CACNA1H: variants seen among roughly 807,000 people sequenced by gnomAD.
CACNA1H encodes the protein calcium voltage-gated channel subunit alpha1 H, also known as voltage-dependent T-type calcium channel subunit alpha-1H.
In CACNA1H, 149 loss-of-function variants were observed where a neutral mutation model predicts 192.5. The ratio of observed to expected loss-of-function variants is 0.77; its 90% confidence interval spans 0.68 to 0.89. The LOEUF is 0.89. Among genes scored for constraint, CACNA1H ranks in the 40% least tolerant of loss-of-function variants. The probability of loss-of-function intolerance (pLI) is 0.00; values close to 1 mark genes in which losing one functional copy is unlikely to be tolerated. For synonymous variants in CACNA1H, 2,202 were observed against 1,475.2 expected, an observed-to-expected ratio of 1.49 and a Z score of -11.29; for missense variants, 4,257 against 3,423.5, an observed-to-expected ratio of 1.24 and a Z score of -6.08.
chr16:1,217,724 C>T (rs1448206698), intron 31 of CACNA1H, among the ~76,000 whole-genome samples, 195 bp from the exon 32 acceptor site: 1 of 152,250 alleles, frequency 6.6e-6, no homozygotes, highest in African/African-American at 2.4e-5. Context: ...GCAGCAGGGG[C>T]CTCGGCCCAG....
intron 26 of CACNA1H, among the ~76,000 whole-genome samples, chr16:1,213,190 G>A (rs760198400): frequency 6.6e-6 from 1 of 152,226 alleles, no homozygotes; most frequent in African/African-American, 2.4e-5. Context: ...GGATGGGGAG[G>A]GGAGGTACTT....
chr16:1,197,460 C>T (rs745470573), intron 5 of CACNA1H, among the ~76,000 whole-genome samples: 34 of 152,336 alleles, frequency 2.2e-4, no homozygotes, highest in East Asian at 3.9e-4. Flanking sequence ...TAATTGTCGC[C>T]AGCAGCCTGG....
rs1031680533 is a variant in CACNA1H at position 1,205,984 on chromosome 16, A to T, written c.2604-120A>T. Reference sequence around the variant, plus strand: ...CCTTGATGCAGCCATACCCTCTCCCATCTGTGGGATGCAGCACAGGCCGCT... The same window carrying T: ...CCTTGATGCAGCCATACCCTCTCCCTTCTGTGGGATGCAGCACAGGCCGCT... On this transcript the variant is annotated intron_variant, in intron 11 of 34. Transcript: ENST00000348261. 5 of 894,154 alleles carry T rather than the reference A, an allele frequency of 5.6e-6. No individual in the cohort carries two copies. In the African/African-American group the frequency reaches 8.4e-5, roughly 15 times the overall value. 55.4% of individuals were successfully genotyped at this position (894,154 alleles called of 1,614,324 possible).
rs768564174 is a variant in CACNA1H at position 1,195,097 on chromosome 16, G to A, written c.411+14G>A. On this transcript the variant is annotated intron_variant, in intron 3 of 34. Transcript: ENST00000348261. ...AACATCCTGGAGGTGAGGGGCGTGGGTCGGGGTGGGGAAGGAGCGTGGGTC... is the reference window on the plus strand; with the variant it reads ...AACATCCTGGAGGTGAGGGGCGTGGATCGGGGTGGGGAAGGAGCGTGGGTC... 6 of 1,559,992 alleles carry A rather than the reference G, an allele frequency of 3.8e-6. No individual in the cohort carries two copies. The highest frequency in any genetic ancestry group is 8.8e-7 in the Non-Finnish European group (1 of 1,135,672).
intron 2 of CACNA1H, among the ~76,000 whole-genome samples, chr16:1,189,725 A>G (rs914081520): frequency 1.3e-5 from 2 of 152,062 alleles, no homozygotes; most frequent in Admixed American, 1.3e-4. Flanking sequence ...GCCCAGCCTG[A>G]GAGCACTGAT....
In CACNA1H at chr16:1,202,198, A is replaced by C. The variant is rs746703599; in HGVS notation, c.1748A>C (p.Glu583Ala). ...HSIYHADCHI[E>A]GPQERARVAH... is the part of the protein sequence containing the mutation. ...ATCTACCATGCCGACTGCCACATAG[A>C]GGGGCCGCAGGAGAGGGCCCGGGTG... The change falls in exon 9 of 35, where the codon GAG becomes GCG. Residue 583 changes from glutamate (E) to alanine (A), a missense_variant. Transcript: ENST00000348261. 4 of 1,552,894 alleles carry C rather than the reference A, an allele frequency of 2.6e-6. No individual in the cohort carries two copies. Among genetic ancestry groups the C allele is most frequent in the Middle Eastern group, 1.7e-4 (1 of 6,012 alleles).
rs1371158030 is a variant in CACNA1H, at chr16:1,221,263, CAGG to C, written c.*272_*274del. 1.1e-4 allele frequency: 50 copies of C among 465,340 alleles called. No individual in the cohort carries two copies. The highest frequency in any genetic ancestry group is 3.8e-5 in the Admixed American group (1 of 26,182). The allele number at this position is 465,340 out of a possible 1,614,324, so 28.8% of individuals were successfully genotyped here. On this transcript the variant is annotated 3_prime_UTR_variant, in exon 35 of 35. Coordinates refer to ENST00000348261, the MANE Select transcript of CACNA1H (RefSeq NM_021098.3). Reference sequence around the variant, plus strand: ...GCGGGCAACTGGGTCAGCCTCCCGTCAGGAGAGAAGCCGCGTCTGTGGGACGAA... The same window carrying C: ...GCGGGCAACTGGGTCAGCCTCCCGTCAGAGAAGCCGCGTCTGTGGGACGAA...
rs552269381 is a variant in CACNA1H, at chr16:1,209,410, G to A, written c.3742G>A (p.Asp1248Asn). The change falls in exon 17 of 35, where the codon GAC (aspartate) becomes AAC (asparagine). Residue 1248 changes from aspartate (D) to asparagine (N), a missense_variant and splice_region_variant. Physicochemically the swap from Asp to Asn is conservative, Grantham distance 23. Coordinates refer to ENST00000348261, the MANE Select transcript of CACNA1H (RefSeq NM_021098.3). The stretch of plus-strand genomic sequence containing the variant: ...AGCCGAGCTTGACGACGACTCGGAG[G>A]ACGTGAGTGCGTGGCCCTGGGCCCA... ...DAAELDDDSE[D>N]SCCLRLHKVL... 56 of 1,597,236 alleles carry A rather than the reference G, an allele frequency of 3.5e-5. No homozygotes were observed. The African/African-American group carries it at 6.4e-4, about 18-fold the overall frequency.
chr16:1,153,247 C>A lies in CACNA1H; in HGVS notation c.-242C>A. 1 of 145,436 alleles carries A rather than the reference C, an allele frequency of 6.9e-6. No homozygotes were observed. Among genetic ancestry groups the A allele is most frequent in the South Asian group, 1.8e-4 (1 of 5,524 alleles). The allele number at this position is 145,436 out of a possible 1,614,324, so 9.0% of individuals were successfully genotyped here. A position where few individuals can be genotyped will look rare whatever the true frequency, so the allele number is the denominator to read the frequency against. The stretch of plus-strand genomic sequence containing the variant: ...AGCGGCCTCCACGCCGCGCCGAGGC[C>A]GCCGCCGTCGCCTCCGCCGGGCGAG... On this transcript the variant is annotated 5_prime_UTR_variant, in exon 1 of 35. Coordinates refer to ENST00000348261, the MANE Select transcript of CACNA1H (RefSeq NM_021098.3).
In CACNA1H at chr16:1,210,963, G is replaced by A. The variant is rs1480192162; in HGVS notation, c.4215G>A (p.Arg1405=). Residue 1405 remains arginine (R), a synonymous_variant, in exon 21 of 35, where the codon CGG becomes CGA. Transcript: ENST00000348261. ...TGCTGCGTCTGCTGCGGACCCTGCGGCCTCTGAGGTGGGGGGCTCCCCGTG... is the reference window on the plus strand; with the variant it reads ...TGCTGCGTCTGCTGCGGACCCTGCGACCTCTGAGGTGGGGGGCTCCCCGTG... The part of the protein sequence containing the change: ...LRVLRLLRTL[R]PLRVISRAPG... 1.3e-5 allele frequency: 20 copies of A among 1,595,846 alleles called. No homozygotes were observed. Among genetic ancestry groups the A allele is most frequent in the Non-Finnish European group, 1.7e-5 (20 of 1,176,742 alleles).
Position 1,207,198 on chromosome 16 carries a change from A to C in CACNA1H, c.2908-77A>C, listed in dbSNP as rs964331245. ...GGTGGAGGTGCCGTCCTGCGCATCC[A>C]TAGCTGCCTCTGCCCCAAGGACTTG... On this transcript the variant is annotated intron_variant, in intron 13 of 34. Coordinates refer to ENST00000348261, the MANE Select transcript of CACNA1H (RefSeq NM_021098.3). 55 of 1,551,706 alleles carry C rather than the reference A, an allele frequency of 3.5e-5. No individual in the cohort carries two copies. The African/African-American group carries it at 4.6e-4, about 13-fold the overall frequency.
rs2141394888 is a variant in CACNA1H at position 1,218,425 on chromosome 16, C to T, written c.5661C>T (p.Gly1887=). ...DAEIELEMAQ[G]PGSARRVDAD... ...AGATCGAGCTGGAGATGGCGCAGGG[C>T]CCCGGGAGTGCACGCCGGGTGGACG... The change falls in exon 33 of 35, where the codon GGC becomes GGT. Residue 1887 remains glycine (G), a synonymous_variant. Transcript: ENST00000348261. 2 of 1,553,752 alleles carry T rather than the reference C, an allele frequency of 1.3e-6. No individual in the cohort carries two copies. The highest frequency in any genetic ancestry group is 1.7e-4 in the Middle Eastern group (1 of 5,954).
Position 1,154,050 on chromosome 16 carries a change from C to T in CACNA1H, c.299+14C>T. 2.2e-6 allele frequency: 2 copies of T among 909,644 alleles called. No homozygotes were observed. The highest frequency in any genetic ancestry group is 7.3e-5 in the South Asian group (2 of 27,350). The allele number at this position is 909,644 out of a possible 1,614,324, so 56.3% of individuals were successfully genotyped here. A position where few individuals can be genotyped will look rare whatever the true frequency, so the allele number is the denominator to read the frequency against. On this transcript the variant is annotated intron_variant, in intron 2 of 34. Coordinates refer to ENST00000348261, the MANE Select transcript of CACNA1H (RefSeq NM_021098.3). ...GGTCTGCAACCCATATCCTTCCCGG[C>T]CGGCGGGGGGCGGGGGGCGGGGGGC...
chr16:1,200,884 G>C, intron 8 of CACNA1H, 76 bp downstream of exon 8: 1 of 1,102,678 alleles, frequency 9.1e-7, no homozygotes, highest in South Asian at 1.3e-5. Context: ...GTACCTGGGT[G>C]GTCATAGGGG....
chr16:1,212,432 G>A (rs1471595609), intron 25 of CACNA1H, 79 bp from the exon 26 acceptor site: 2 of 1,425,066 alleles, frequency 1.4e-6, no homozygotes, highest in East Asian at 2.4e-5. Context: ...GAGACACGGG[G>A]GCTGAGGGAG....
intron 2 of CACNA1H, among the ~76,000 whole-genome samples, chr16:1,156,641 T>C (rs1023869331): frequency 2.6e-5 from 4 of 152,096 alleles, no homozygotes; most frequent in Non-Finnish European, 4.4e-5. Context: ...GCATCCCTCC[T>C]GAAGAGGGTG....
intron 12 of CACNA1H, 85 bp from the exon 13 acceptor site, chr16:1,206,916 T>TCCCCCC: frequency 5.7e-5 from 3 of 52,308 alleles, no homozygotes; most frequent in South Asian, 2.6e-4. Flanking sequence ...CCCTCCCTCC[T>TCCCCCC]CCCACCCCCC....
At position 1,221,046 on chromosome 16, in the gene CACNA1H, C is replaced by T. The variant is rs1970448269; in HGVS notation, c.*52C>T. 2 of 1,406,226 alleles carry T rather than the reference C, an allele frequency of 1.4e-6. No individual in the cohort carries two copies. The highest frequency in any genetic ancestry group is 1.9e-6 in the Non-Finnish European group (2 of 1,049,480). The allele number at this position is 1,406,226 out of a possible 1,614,324, so 87.1% of individuals were successfully genotyped here. A position where few individuals can be genotyped will look rare whatever the true frequency, so the allele number is the denominator to read the frequency against. ...TTGGCCCTGGGGTCTGGGGGCCCCG[C>T]TGGGGTGGAGGCCCAGGCAGAACCC... On this transcript the variant is annotated 3_prime_UTR_variant, in exon 35 of 35. Transcript: ENST00000348261.
chr16:1,195,261 G>A (rs978224570), intron 3 of CACNA1H, among the ~76,000 whole-genome samples, 171 bp from the exon 4 acceptor site: 1 of 144,988 alleles, frequency 6.9e-6, no homozygotes, highest in Non-Finnish European at 1.5e-5. Context: ...GGGGCAGGGC[G>A]AGAGGCGAGG....
Sources: gnomAD v4.1 joint callset for allele counts (sites outside exome capture counted in the v4.1 genomes callset) on GRCh38, gnomAD v4.1.1 for gene constraint, MANE v1.5 for transcripts, NCBI Gene and HGNC (gene_info 2026-07-23, HGNC 2026-07-21) for gene names.